SLC9C1: variants seen among roughly 807,000 people sequenced by gnomAD.
SLC9C1 encodes sodium/hydrogen exchanger 10.
Under a neutral mutation model 140.9 loss-of-function variants are expected in SLC9C1, and 97 were observed. The observed-to-expected ratio is 0.69, with a 90% CI of 0.58 to 0.82. SLC9C1 has a LOEUF of 0.82. SLC9C1 is among the 40% of genes least tolerant of loss of function. The pLI is 0.00. For synonymous variants in SLC9C1, 440 were observed against 442.6 expected, an observed-to-expected ratio of 0.99 and a Z score of 0.07; for missense variants, 1,340 against 1,389.3, an observed-to-expected ratio of 0.96 and a Z score of 0.56.
Position 112,202,336 on chromosome 3 carries a change from A to G in SLC9C1, c.2236T>C (p.Tyr746His). 1.2e-6 allele frequency: 2 copies of G among 1,610,618 alleles called. No homozygotes were observed. Among genetic ancestry groups the G allele is most frequent in the Non-Finnish European group, 1.7e-6 (2 of 1,178,512 alleles). Residue 746 changes from tyrosine (Y) to histidine (H), a missense_variant, in exon 18 of 29, where the codon TAT becomes CAT. Coordinates refer to ENST00000305815, the MANE Select transcript of SLC9C1 (RefSeq NM_183061.3). ...TGGACATAGCCTTTTAGTATTCCATACCAAAAGGTCTTCTGATGACTCATT... is the reference window on the plus strand; with the variant it reads ...TGGACATAGCCTTTTAGTATTCCATGCCAAAAGGTCTTCTGATGACTCATT... ...KRMSHQKTFW[Y>H]GILKGYVQGE... is the part of the protein sequence containing the mutation.
intron 5 of SLC9C1, among the ~76,000 whole-genome samples, chr3:112,275,834 A>G (rs2080197999): frequency 6.6e-6 from 1 of 152,134 alleles, no homozygotes; most frequent in East Asian, 1.9e-4. Context: ...GCCTGTATCT[A>G]TGCCCTTCGC....
chr3:112,176,547 C>T (rs1007639213), intron 23 of SLC9C1, among the ~76,000 whole-genome samples: 3 of 152,190 alleles, frequency 2.0e-5, no homozygotes, highest in Non-Finnish European at 2.9e-5. Flanking sequence ...ATGCTTTACT[C>T]CTCACCTTTT....
At chr3:112,185,745 G>C (rs1187816081) in intron 20 of SLC9C1, 13 of 1,539,772 alleles carry the variant, frequency 8.4e-6, no homozygotes, top group Middle Eastern at 2.1e-4. Flanking sequence ...CCCCCGGCCT[G>C]CCGGGCTGTC....
At chr3:112,210,970 A>G (rs2078186662) in intron 15 of SLC9C1, among the ~76,000 whole-genome samples, 1 of 152,166 alleles carries the variant, frequency 6.6e-6, no homozygotes, top group South Asian at 2.1e-4. Flanking sequence ...ATCTCCTTTG[A>G]TTTTTATAAA....
At chr3:112,284,504 A>T (rs950836243) in intron 2 of SLC9C1, among the ~76,000 whole-genome samples, 7 of 152,218 alleles carry the variant, frequency 4.6e-5, no homozygotes, top group African/African-American at 1.4e-4. Flanking sequence ...CTTCAGATAG[A>T]ATGTTACAGA....
chr3:112,238,801 T>C lies in SLC9C1; in HGVS notation c.1446+1039A>G, dbSNP rs139225473. ...TTGCTGAACAGGCAATGTTGCTGTCTGATTGTTCCTCTGGAGGTTTCCTCT... is the reference window on the plus strand; with the variant it reads ...TTGCTGAACAGGCAATGTTGCTGTCCGATTGTTCCTCTGGAGGTTTCCTCT... On this transcript the variant is annotated intron_variant, in intron 12 of 28. Coordinates refer to ENST00000305815, the MANE Select transcript of SLC9C1 (RefSeq NM_183061.3). Among the ~76,000 whole-genome samples, 233 of 152,310 alleles carry C rather than the reference T, an allele frequency of 1.5e-3. 1 individual carries two copies. The highest frequency in any genetic ancestry group is 5.3e-3 in the African/African-American group (222 of 41,582).
intron 23 of SLC9C1, among the ~76,000 whole-genome samples, chr3:112,171,035 GA>G: frequency 6.6e-6 from 1 of 152,098 alleles, no homozygotes. Flanking sequence ...CCAACATGGC[GA>G]AATGCCGTCT....
intron 8 of SLC9C1, among the ~76,000 whole-genome samples, chr3:112,265,675 T>A (rs1023435865): frequency 6.6e-6 from 1 of 152,122 alleles, no homozygotes; most frequent in Non-Finnish European, 1.5e-5. Context: ...CTTAGCTGAA[T>A]TCCCTTGAGC....
At chr3:112,211,562 C>T (rs546432544) in intron 15 of SLC9C1, among the ~76,000 whole-genome samples, 37 of 152,232 alleles carry the variant, frequency 2.4e-4, no homozygotes, top group Non-Finnish European at 3.5e-4. Flanking sequence ...AGATTATATC[C>T]CGCACCTGGC....
chr3:112,158,188 G>C (rs1196902435), intron 26 of SLC9C1, among the ~76,000 whole-genome samples: 1 of 151,906 alleles, frequency 6.6e-6, no homozygotes, highest in African/African-American at 2.4e-5. Context: ...GTTGAGGTAT[G>C]TTCCTTCTAT....
rs181307374 is a variant in SLC9C1, at chr3:112,152,211, G to A, written c.3418-248C>T. On this transcript the variant is annotated intron_variant, in intron 27 of 28. Transcript: ENST00000305815. ...TATTGATCACTATCTCTACCATCTC[G>A]GAGAGGGGGATGTGGCAGGACTATA... Among the ~76,000 whole-genome samples, 825 of 152,262 alleles carry A rather than the reference G, an allele frequency of 5.4e-3. 7 individuals carry two copies. Among genetic ancestry groups the A allele is most frequent in the Middle Eastern group, 0.01 (3 of 294 alleles).
intron 12 of SLC9C1, among the ~76,000 whole-genome samples, chr3:112,235,936 T>C (rs2078972149): frequency 6.6e-6 from 1 of 152,208 alleles, no homozygotes; most frequent in African/African-American, 2.4e-5. Flanking sequence ...TTCTTGTTTT[T>C]TGTTGTGTCT....
chr3:112,185,610 C>T, intron 20 of SLC9C1: 3 of 1,594,682 alleles, frequency 1.9e-6, no homozygotes, highest in Non-Finnish European at 2.6e-6. Context: ...GAAGCCCTCT[C>T]TCCCAAGGGG....
chr3:112,157,651 A>T (rs1471892971), intron 26 of SLC9C1, among the ~76,000 whole-genome samples: 1 of 152,048 alleles, frequency 6.6e-6, no homozygotes, highest in East Asian at 1.9e-4. Context: ...CCAATCTATG[A>T]ACATGGAATA....
intron 15 of SLC9C1, among the ~76,000 whole-genome samples, chr3:112,210,307 T>G (rs1189442514): frequency 5.3e-5 from 8 of 152,186 alleles, no homozygotes; most frequent in African/African-American, 1.9e-4. Context: ...GTGGTATATA[T>G]ACCATGGAAC....
chr3:112,159,730 T>A (rs773631997), intron 26 of SLC9C1, among the ~76,000 whole-genome samples: 8 of 152,108 alleles, frequency 5.3e-5, no homozygotes, highest in Non-Finnish European at 7.4e-5. Context: ...TTTACATATC[T>A]GGGGACTCTG....
At chr3:112,192,594 GA>G (rs1345602669) in intron 20 of SLC9C1, among the ~76,000 whole-genome samples, 2 of 151,798 alleles carry the variant, frequency 1.3e-5, no homozygotes. Flanking sequence ...AGTTATTTCA[GA>G]AGACTTGTCT....
intron 2 of SLC9C1, among the ~76,000 whole-genome samples, chr3:112,284,477 T>C (rs923427617): frequency 6.6e-6 from 1 of 152,262 alleles, no homozygotes; most frequent in Admixed American, 6.5e-5. Context: ...TGTTAAGCTA[T>C]CTCATGAAGC....
intron 10 of SLC9C1, among the ~76,000 whole-genome samples, chr3:112,255,115 T>TACTC: frequency 6.6e-6 from 1 of 152,202 alleles, no homozygotes; most frequent in African/African-American, 2.4e-5. Flanking sequence ...AAGAGACTTA[T>TACTC]ACTCCCACAC....
Sources: gnomAD v4.1 joint callset for allele counts (sites outside exome capture counted in the v4.1 genomes callset) on GRCh38, gnomAD v4.1.1 for gene constraint, MANE v1.5 for transcripts, NCBI Gene and HGNC (gene_info 2026-07-23, HGNC 2026-07-21) for gene names.